USP28: variants seen among roughly 807,000 people sequenced by gnomAD.
USP28 encodes the protein ubiquitin carboxyl-terminal hydrolase 28.
A neutral mutation model predicts 145.0 loss-of-function variants in USP28; 113 were observed. That is an observed-to-expected ratio of 0.78 (90% CI 0.67 to 0.91). USP28 has a LOEUF of 0.91. Among genes scored for constraint, USP28 ranks in the 40% least tolerant of loss-of-function variants. USP28 has a pLI of 0.00. For missense variants in USP28, 1,201 were observed against 1,289.6 expected (o/e 0.93, Z 1.05); for synonymous variants, 447 against 450.9 (o/e 0.99, Z 0.11).
chr11:113,812,201 G>T, intron 16 of USP28, 75 bp downstream of exon 16: 2 of 1,004,570 alleles, frequency 2.0e-6, no homozygotes, highest in Non-Finnish European at 2.9e-6. Flanking sequence ...TTTTTAAAAA[G>T]CAGTACAAGA....
At chr11:113,833,289 A>G in intron 7 of USP28, 131 bp downstream of exon 7, 1 of 1,314,950 alleles carries the variant, frequency 7.6e-7, no homozygotes, top group Non-Finnish European at 1.0e-6. Context: ...AGGCAAAACA[A>G]AAGTCAGAAA....
chr11:113,803,084 C>CTA (rs1204772175), intron 23 of USP28, 74 bp downstream of exon 24: 1 of 1,446,514 alleles, frequency 6.9e-7, no homozygotes, highest in African/African-American at 1.5e-5. Flanking sequence ...GTTTTGAAAG[C>CTA]CATATATTTT....
rs746404661 is a variant in USP28, at chr11:113,821,846, G to C, written c.1283+1759C>G. On this transcript the variant is annotated intron_variant, in intron 12 of 24. Coordinates refer to ENST00000003302, the Ensembl canonical transcript of USP28. The stretch of plus-strand genomic sequence containing the variant: ...TCTTTCTAATGCCTTTTTGGGAGGA[G>C]GTTCCACCAAATCCCGATTGAGGAG... 1.3e-3 allele frequency: 217 copies of C among 164,638 alleles called. 6 individuals carry two copies. The highest frequency in any genetic ancestry group is 1.3e-3 in the Non-Finnish European group (95 of 74,200). 10.2% of individuals were successfully genotyped at this position (164,638 alleles called of 1,614,324 possible).
intron 7 of USP28, 128 bp downstream of exon 7, chr11:113,833,292 G>C (rs1944218594): frequency 7.5e-6 from 10 of 1,330,072 alleles, no homozygotes; most frequent in African/African-American, 1.5e-5. Flanking sequence ...CAAAACAAAA[G>C]TCAGAAACGA....
chr11:113,850,727 GTGCT>G (rs1236355867), intron 3 of USP28, among the ~76,000 whole-genome samples: 3 of 152,144 alleles, frequency 2.0e-5, no homozygotes, highest in African/African-American at 4.8e-5. Context: ...GCAGCAACCA[GTGCT>G]TAAGCTGCAG....
chr11:113,848,394 A>G (rs1467084816), intron 3 of USP28, among the ~76,000 whole-genome samples: 1 of 152,222 alleles, frequency 6.6e-6, no homozygotes, highest in African/African-American at 2.4e-5. Flanking sequence ...AGGTTAATCA[A>G]GATAAAGACT....
At chr11:113,848,877 C>T (rs942558990) in intron 3 of USP28, among the ~76,000 whole-genome samples, 4 of 152,122 alleles carry the variant, frequency 2.6e-5, no homozygotes, top group Non-Finnish European at 4.4e-5. Flanking sequence ...GATTGCGGAG[C>T]GTTTACCAGG....
chr11:113,833,612 C>A, intron 6 of USP28, 55 bp from the exon 7 acceptor site: 1 of 1,546,314 alleles, frequency 6.5e-7, no homozygotes. Context: ...AAAATCAGAA[C>A]GTGTAAAGAA....
exon 23 of USP28, chr11:113,803,164 G>A (rs1939344077): frequency 6.2e-7 from 1 of 1,613,594 alleles, no homozygotes; most frequent in Non-Finnish European, 8.5e-7. Flanking sequence ...AAACCAGAAG[G>A]CATTTTCTTC....
At chr11:113,864,237 T>C (rs1022394813) in intron 1 of USP28, among the ~76,000 whole-genome samples, 17 of 151,518 alleles carry the variant, frequency 1.1e-4, no homozygotes, top group African/African-American at 3.6e-4. Context: ...TGAGACTCTG[T>C]CTCAAAAAAA....
At chr11:113,871,289 C>T (rs1162267353) in intron 1 of USP28, among the ~76,000 whole-genome samples, 1 of 152,074 alleles carries the variant, frequency 6.6e-6, no homozygotes, top group African/African-American at 2.4e-5. Context: ...GTCTGTGGAC[C>T]ATAATGTGAG....
chr11:113,808,514 T>A, intron 17 of USP28, 77 bp from the exon 18 acceptor site: 1 of 1,518,464 alleles, frequency 6.6e-7, no homozygotes, highest in Admixed American at 1.8e-5. Context: ...GCAAGCAGAA[T>A]GTATACAGTT....
chr11:113,846,196 G>A (rs182585459), intron 3 of USP28, among the ~76,000 whole-genome samples: 33 of 152,278 alleles, frequency 2.2e-4, no homozygotes, highest in Admixed American at 7.8e-4. Flanking sequence ...ACTATTCAAC[G>A]CATACTAAGT....
exon 16 of USP28, chr11:113,812,319 G>A: frequency 6.2e-7 from 1 of 1,614,120 alleles, no homozygotes; most frequent in Non-Finnish European, 8.5e-7. Context: ...ACATCAGACA[G>A]TAAGCACTAA....
chr11:113,817,668 A>G (rs775358639), exon 13 of USP28: 2 of 1,613,056 alleles, frequency 1.2e-6, no homozygotes, highest in East Asian at 4.5e-5. Context: ...CTTTCCTTGG[A>G]TGTCTGGTCA....
chr11:113,847,874 C>T (rs1005078896), intron 3 of USP28, among the ~76,000 whole-genome samples: 1 of 152,132 alleles, frequency 6.6e-6, no homozygotes, highest in Non-Finnish European at 1.5e-5. Flanking sequence ...TAAGGACACC[C>T]CTTCAGTGTG....
At position 113,854,349 on chromosome 11, in the gene USP28, A is replaced by G; in HGVS notation, c.58-14T>C. ...CATTTGGCAGCTCTATATTTGCAAA[A>G]CAAAAAAACCACAAACATGTCAGTC... On this transcript the variant is annotated splice_polypyrimidine_tract_variant and intron_variant, in intron 1 of 24. Transcript: ENST00000003302. The G allele has an allele frequency of 1.9e-6, 3 of 1,610,210 alleles. No homozygotes were observed. Among genetic ancestry groups the G allele is most frequent in the Non-Finnish European group, 2.5e-6 (3 of 1,178,786 alleles).
chr11:113,831,333 T>G (rs930116995), intron 8 of USP28, among the ~76,000 whole-genome samples: 2 of 152,100 alleles, frequency 1.3e-5, no homozygotes, highest in African/African-American at 4.8e-5. Flanking sequence ...TACAAAAAAT[T>G]TTTCTCCATG....
chr11:113,848,333 G>A (rs957156428), intron 3 of USP28, among the ~76,000 whole-genome samples: 1 of 152,166 alleles, frequency 6.6e-6, no homozygotes, highest in African/African-American at 2.4e-5. Flanking sequence ...CTGAAAGGCA[G>A]AGACCACAAA....
Sources: allele counts gnomAD v4.1 joint callset (sites outside exome capture counted in the v4.1 genomes callset), GRCh38; gene constraint gnomAD v4.1.1; transcripts MANE v1.5; gene names NCBI Gene and HGNC (gene_info 2026-07-23, HGNC 2026-07-21).